CDH13: variants seen among roughly 807,000 people sequenced by gnomAD.
CDH13 encodes cadherin 13.
A neutral mutation model predicts 63.8 loss-of-function variants in CDH13; 24 were observed. The observed-to-expected ratio is 0.38, with a 90% CI of 0.27 to 0.53. The LOEUF (loss-of-function observed/expected upper bound fraction) is 0.53, where lower values mean the gene tolerates loss of function less well. Among genes scored for constraint, CDH13 ranks in the 20% least tolerant of loss-of-function variants. The pLI, the probability that CDH13 is intolerant of heterozygous loss-of-function variation, is 0.85. For missense variants in CDH13, 1,049 were observed against 903.1 expected (o/e 1.16, Z -2.07); for synonymous variants, 503 against 355.3 (o/e 1.42, Z -4.67).
intron 8 of CDH13, among the ~76,000 whole-genome samples, chr16:83,633,214 T>C (rs987196363): frequency 6.6e-6 from 1 of 151,812 alleles, no homozygotes. Flanking sequence ...TGCAACCCAG[T>C]AGGTCTCAGC....
chr16:82,844,947 A>C (rs1033116204), intron 1 of CDH13, among the ~76,000 whole-genome samples: 2 of 151,886 alleles, frequency 1.3e-5, no homozygotes, highest in African/African-American at 4.8e-5. Context: ...GAGGCACCGC[A>C]CCTGGCCAAT....
intron 1 of CDH13, among the ~76,000 whole-genome samples, chr16:82,676,185 C>T (rs897810098): frequency 1.1e-4 from 17 of 152,296 alleles, no homozygotes; most frequent in African/African-American, 1.7e-4. Flanking sequence ...TTTGGTCTTT[C>T]GGTTTAGTCA....
chr16:82,817,064 C>G (rs1237531315), intron 1 of CDH13, among the ~76,000 whole-genome samples: 9 of 152,040 alleles, frequency 5.9e-5, no homozygotes, highest in Admixed American at 5.9e-4. Context: ...AGAAATCAAC[C>G]AAGTGCATTG....
chr16:83,098,977 C>A (rs1336725311), intron 3 of CDH13, among the ~76,000 whole-genome samples: 1 of 152,072 alleles, frequency 6.6e-6, no homozygotes, highest in Non-Finnish European at 1.5e-5. Context: ...ACAGAATGCA[C>A]TTTAAAAGAA....
chr16:83,449,848 G>A (rs1451386201), intron 6 of CDH13, among the ~76,000 whole-genome samples: 3 of 152,210 alleles, frequency 2.0e-5, no homozygotes, highest in African/African-American at 7.2e-5. Flanking sequence ...GCTAATGCAA[G>A]GGAGAGGGAG....
intron 1 of CDH13, among the ~76,000 whole-genome samples, chr16:82,830,833 G>C (rs902940948): frequency 7.9e-5 from 12 of 152,144 alleles, no homozygotes; most frequent in African/African-American, 2.7e-4. Context: ...GCATAGCCTG[G>C]CTCTTGTTTG....
At chr16:83,146,177 G>C (rs1183212086) in intron 4 of CDH13, among the ~76,000 whole-genome samples, 1 of 134,462 alleles carries the variant, frequency 7.4e-6, no homozygotes, top group Non-Finnish European at 1.5e-5. Context: ...CTGGGCGACA[G>C]AGCAAGACTC....
At chr16:83,449,306 A>G (rs759387673) in intron 6 of CDH13, among the ~76,000 whole-genome samples, 3 of 152,010 alleles carry the variant, frequency 2.0e-5, no homozygotes, top group Non-Finnish European at 4.4e-5. Flanking sequence ...GAAGAGGATC[A>G]TGGTAAAGAT....
intron 1 of CDH13, among the ~76,000 whole-genome samples, chr16:82,818,264 C>G (rs2037823853): frequency 6.6e-6 from 1 of 152,098 alleles, no homozygotes; most frequent in South Asian, 2.1e-4. Context: ...GTCTCTAAAA[C>G]TTGAAGTTGC....
chr16:83,146,755 T>C (rs992057545), intron 4 of CDH13, among the ~76,000 whole-genome samples: 3 of 152,028 alleles, frequency 2.0e-5, no homozygotes, highest in African/African-American at 7.2e-5. Flanking sequence ...CCATAGATAT[T>C]TCAAAAAAAA....
chr16:82,899,549 C>T (rs1427891897), intron 2 of CDH13, among the ~76,000 whole-genome samples: 1 of 152,028 alleles, frequency 6.6e-6, no homozygotes, highest in Admixed American at 6.6e-5. Flanking sequence ...AGTTTCGGAA[C>T]TCAGAAATAA....
chr16:83,392,385 T>C (rs1052281564), intron 6 of CDH13, among the ~76,000 whole-genome samples: 1 of 152,356 alleles, frequency 6.6e-6, no homozygotes, highest in Non-Finnish European at 1.5e-5. Context: ...TTATGATTGT[T>C]CCTAAAATTA....
At chr16:83,449,382 A>G (rs1381290024) in intron 6 of CDH13, among the ~76,000 whole-genome samples, 1 of 152,178 alleles carries the variant, frequency 6.6e-6, no homozygotes, top group Non-Finnish European at 1.5e-5. Flanking sequence ...CGCTGGGCAA[A>G]GGAGAAACGG....
intron 7 of CDH13, among the ~76,000 whole-genome samples, chr16:83,573,256 A>G (rs1376374861): frequency 6.6e-6 from 1 of 152,188 alleles, no homozygotes; most frequent in Non-Finnish European, 1.5e-5. Flanking sequence ...CAACAAGTGA[A>G]CTAGAGCCAA....
At chr16:83,498,596 G>T (rs2074201260) in intron 7 of CDH13, among the ~76,000 whole-genome samples, 2 of 152,238 alleles carry the variant, frequency 1.3e-5, no homozygotes, top group Admixed American at 1.3e-4. Flanking sequence ...ATCTAATGAG[G>T]TCAGTAAAGT....
intron 4 of CDH13, among the ~76,000 whole-genome samples, chr16:83,142,295 G>T (rs1314909554): frequency 6.6e-6 from 1 of 151,962 alleles, no homozygotes; most frequent in Non-Finnish European, 1.5e-5. Flanking sequence ...TGAGTGGCTG[G>T]AACTACAGGT....
chr16:83,122,899 C>G (rs564991574), intron 3 of CDH13, among the ~76,000 whole-genome samples: 1 of 152,198 alleles, frequency 6.6e-6, no homozygotes, highest in African/African-American at 2.4e-5. Context: ...TTGTACCCAA[C>G]AGGTGATTTT....
intron 6 of CDH13, among the ~76,000 whole-genome samples, chr16:83,430,918 T>G (rs2072080283): frequency 6.6e-6 from 1 of 151,806 alleles, no homozygotes; most frequent in Non-Finnish European, 1.5e-5. Flanking sequence ...CTGCACCCAC[T>G]AACTCGTCAT....
rs778349124 is a variant in CDH13, at chr16:83,237,395, G to A, written c.636+19898G>A. Among the ~76,000 whole-genome samples the A allele has an allele frequency of 8.5e-5, 13 of 152,184 alleles. No homozygotes were observed. In the East Asian group the frequency reaches 9.6e-4, roughly 11 times the overall value. On this transcript the variant is annotated intron_variant, in intron 5 of 13. Transcript: ENST00000567109. ...TGTGTAAAGGATCGTACCTTACATC[G>A]TAGAGAAGGAGTAGACCAACACTGT...
Sources: gnomAD v4.1 joint callset for allele counts (sites outside exome capture counted in the v4.1 genomes callset) on GRCh38, gnomAD v4.1.1 for gene constraint, MANE v1.5 for transcripts, NCBI Gene and HGNC (gene_info 2026-07-23, HGNC 2026-07-21) for gene names.